Variants in PRRX2 observed in about 807,000 individuals in gnomAD.
PRRX2 encodes paired mesoderm homeobox protein 2.
In PRRX2, 11 loss-of-function variants were observed where a neutral mutation model predicts 18.0. The observed-to-expected ratio is 0.61, with a 90% CI of 0.39 to 1.01. The LOEUF is 1.01. Ranked by LOEUF, PRRX2 falls within the 50% of genes least tolerant of loss-of-function variation. The pLI, the probability that PRRX2 is intolerant of heterozygous loss-of-function variation, is 0.01. For synonymous variants in PRRX2, 177 were observed against 154.8 expected (o/e 1.14, Z -1.06); for missense variants, 387 against 351.0 (o/e 1.10, Z -0.82).
chr9:129,718,922 C>T (rs1258336828), intron 1 of PRRX2, among the ~76,000 whole-genome samples: 6 of 152,134 alleles, frequency 3.9e-5, no homozygotes, highest in Non-Finnish European at 7.4e-5. Context: ...GTCCCCAGGG[C>T]TCTTGCCGTG....
At chr9:129,704,159 C>T (rs1832531989) in intron 1 of PRRX2, among the ~76,000 whole-genome samples, 1 of 152,190 alleles carries the variant, frequency 6.6e-6, no homozygotes, top group South Asian at 2.1e-4. Context: ...CGTAGAGTTC[C>T]TCAGAGTTCT....
rs1391346257 is a variant in PRRX2, at chr9:129,697,954, T to C, written c.260-21277T>C. On this transcript the variant is annotated intron_variant, in intron 1 of 3. Transcript: ENST00000372469. ...AAAATGTGGGTGGGGGAGGGGAGCG[T>C]GGAGGTTGGAGGGTTTTAAGCGCCG... Among the ~76,000 whole-genome samples, 7 of 150,692 alleles carry C rather than the reference T, an allele frequency of 4.6e-5. No individual in the cohort carries two copies. In the East Asian group the frequency reaches 1.4e-3, roughly 30 times the overall value.
rs745968096 is a variant in PRRX2, at chr9:129,721,217, C to T, written c.626+443C>T. Reference sequence around the variant, plus strand: ...TCCTAGGCTGTCACGGGGGCCCCAGCGCCCTGTGTCCACCCTCCAGACGAG... The same window carrying T: ...TCCTAGGCTGTCACGGGGGCCCCAGTGCCCTGTGTCCACCCTCCAGACGAG... On this transcript the variant is annotated intron_variant, in intron 3 of 3. Coordinates refer to ENST00000372469, the MANE Select transcript of PRRX2 (RefSeq NM_016307.4). Among the ~76,000 whole-genome samples the T allele has an allele frequency of 7.9e-5, 12 of 152,138 alleles. 1 individual carries two copies. The highest frequency in any genetic ancestry group is 8.8e-5 in the Non-Finnish European group (6 of 68,024).
At position 129,720,612 on chromosome 9, in the gene PRRX2, G is replaced by A. The variant is rs747544751; in HGVS notation, c.464G>A (p.Arg155His). Reference sequence around the variant, plus strand: ...CACCCACAGGTCTGGTTTCAGAACCGCCGCGCCAAGTTCCGCAGGAATGAA... The same window carrying A: ...CACCCACAGGTCTGGTTTCAGAACCACCGCGCCAAGTTCCGCAGGAATGAA... ...EARVQVWFQN[R>H]RAKFRRNERA... The change falls in exon 3 of 4, where the codon CGC becomes CAC. Residue 155 changes from arginine (R) to histidine (H), a missense_variant. Physicochemically the swap from Arg to His is conservative, Grantham distance 29. Coordinates refer to ENST00000372469, the MANE Select transcript of PRRX2 (RefSeq NM_016307.4). 4.3e-6 allele frequency: 7 copies of A among 1,609,944 alleles called. No individual in the cohort carries two copies. The highest frequency in any genetic ancestry group is 1.1e-5 in the South Asian group (1 of 90,432).
chr9:129,700,621 C>T (rs1051036991), intron 1 of PRRX2, among the ~76,000 whole-genome samples: 5 of 148,758 alleles, frequency 3.4e-5, no homozygotes, highest in Non-Finnish European at 5.9e-5. Context: ...CACACCTGGC[C>T]GTTATTGTTG....
intron 1 of PRRX2, among the ~76,000 whole-genome samples, chr9:129,667,427 G>T (rs909030075): frequency 1.3e-5 from 2 of 152,192 alleles, no homozygotes; most frequent in African/African-American, 2.4e-5. Context: ...GCTCTGAGCC[G>T]GTCCCCCAAC....
chr9:129,715,083 G>A lies in PRRX2; in HGVS notation c.260-4148G>A, dbSNP rs1046347471. Among the ~76,000 whole-genome samples, 4 of 152,056 alleles carry A rather than the reference G, an allele frequency of 2.6e-5. No individual in the cohort carries two copies. Among genetic ancestry groups the A allele is most frequent in the African/African-American group, 7.2e-5 (3 of 41,388 alleles). Reference sequence around the variant, plus strand: ...GAGGAGTGAAGAGTGAAGCGGTCCCGGCAATGAGACCAGCTCCACAGGGCC... The same window carrying A: ...GAGGAGTGAAGAGTGAAGCGGTCCCAGCAATGAGACCAGCTCCACAGGGCC... On this transcript the variant is annotated intron_variant, in intron 1 of 3. Transcript: ENST00000372469. The surrounding 1 kb of genome is among the most constrained non-coding windows in gnomAD (Gnocchi z 4.0).
intron 1 of PRRX2, among the ~76,000 whole-genome samples, chr9:129,684,420 CAGATACA>C (rs375841024): frequency 9.8e-5 from 9 of 92,184 alleles, no homozygotes; most frequent in East Asian, 5.2e-4. Flanking sequence ...GAGACACACA[CAGATACA>C]ACACACACAC....
intron 1 of PRRX2, among the ~76,000 whole-genome samples, chr9:129,700,750 TG>T (rs1832483644): frequency 6.6e-6 from 1 of 152,218 alleles, no homozygotes; most frequent in Non-Finnish European, 1.5e-5. Flanking sequence ...CCTGAGTTGC[TG>T]GGACTACAGG....
Position 129,694,866 on chromosome 9 carries a change from C to T in PRRX2, c.260-24365C>T, listed in dbSNP as rs985020473. On this transcript the variant is annotated intron_variant, in intron 1 of 3. Transcript: ENST00000372469. ...ATAAACACTATGATGTGTGCCATGA[C>T]CCTAGTGGTCCAACGAAGGCTTCAT... Among the ~76,000 whole-genome samples, 3 of 152,134 alleles carry T rather than the reference C, an allele frequency of 2.0e-5. 1 individual carries two copies. In the South Asian group the frequency reaches 6.2e-4, roughly 31 times the overall value.
In PRRX2 at chr9:129,682,043, T is replaced by C. The variant is rs1164860174; in HGVS notation, c.259+15917T>C. The stretch of plus-strand genomic sequence containing the variant: ...GGTCCCTGAGGAGGAGGCGTGGGTC[T>C]TAGGAGGAAAGCAGCTCTGGGGAGC... On this transcript the variant is annotated intron_variant, in intron 1 of 3. Transcript: ENST00000372469. 2.0e-5 allele frequency among the ~76,000 whole-genome samples: 3 copies of C among 152,084 alleles called. No homozygotes were observed. The East Asian group carries it at 5.8e-4, about 29-fold the overall frequency.
chr9:129,705,479 C>T (rs62584062), intron 1 of PRRX2, among the ~76,000 whole-genome samples: 7 of 152,118 alleles, frequency 4.6e-5, no homozygotes, highest in Non-Finnish European at 8.8e-5. Flanking sequence ...CTCAGCCTCC[C>T]GGGTAGCTGG....
At chr9:129,701,859 G>A (rs1832502152) in intron 1 of PRRX2, among the ~76,000 whole-genome samples, 1 of 152,106 alleles carries the variant, frequency 6.6e-6, no homozygotes, top group African/African-American at 2.4e-5. Context: ...CACACTTTAG[G>A]AGGCCAAGGC....
chr9:129,668,073 A>G (rs1394621789), intron 1 of PRRX2, among the ~76,000 whole-genome samples: 1 of 152,166 alleles, frequency 6.6e-6, no homozygotes, highest in Non-Finnish European at 1.5e-5. Context: ...CCTGAGGACG[A>G]TGGAGCCCTG....
intron 1 of PRRX2, among the ~76,000 whole-genome samples, chr9:129,681,856 C>T (rs1207922301): frequency 1.3e-5 from 2 of 152,180 alleles, no homozygotes; most frequent in Non-Finnish European, 2.9e-5. Flanking sequence ...GAGCCCGCTG[C>T]GGAAGAACCT....
In PRRX2 at chr9:129,695,969, C is replaced by T. The variant is rs894420; in HGVS notation, c.260-23262C>T. On this transcript the variant is annotated intron_variant, in intron 1 of 3. Transcript: ENST00000372469. This position sits in a 1 kb window ranked among gnomAD's most constrained non-coding sequence, Gnocchi z 4.8. ...TGGCCCCATTTCCTTATAAAGCCCC[C>T]TCTGAGAAGGCGGAAAGCTGAAGTT... is the stretch of plus-strand genomic sequence containing the variant. Among the ~76,000 whole-genome samples the T allele has an allele frequency of 0.045, 6,859 of 152,186 alleles. 427 individuals are homozygous for T. Among genetic ancestry groups the T allele is most frequent in the East Asian group, 0.35 (1,803 of 5,160 alleles).
chr9:129,681,209 C>T (rs1832224861), intron 1 of PRRX2, among the ~76,000 whole-genome samples: 2 of 152,212 alleles, frequency 1.3e-5, no homozygotes, highest in South Asian at 4.1e-4. Flanking sequence ...ACACTGAGGT[C>T]CAAGCAGGCA....
rs942293334 is a variant in PRRX2 at position 129,715,287 on chromosome 9, T to C, written c.260-3944T>C. Among the ~76,000 whole-genome samples, 1 of 152,186 alleles carries C rather than the reference T, an allele frequency of 6.6e-6. No individual in the cohort carries two copies. The highest frequency in any genetic ancestry group is 1.5e-5 in the Non-Finnish European group (1 of 68,036). On this transcript the variant is annotated intron_variant, in intron 1 of 3. Transcript: ENST00000372469. This position sits in a 1 kb window ranked among gnomAD's most constrained non-coding sequence, Gnocchi z 4.0. ...GATAATTCATTGACGTGGGGGCCTG[T>C]CCTGTGTCTTGAAAGATATTTAGCA...
chr9:129,669,888 T>G (rs1034616129), intron 1 of PRRX2, among the ~76,000 whole-genome samples: 2 of 151,744 alleles, frequency 1.3e-5, no homozygotes, highest in African/African-American at 4.8e-5. Context: ...AAGAATGCTG[T>G]CCGGTGGCAT....
Sources: gnomAD v4.1 joint callset for allele counts (sites outside exome capture counted in the v4.1 genomes callset) on GRCh38, gnomAD v4.1.1 for gene constraint, Gnocchi (gnomAD v3.1) non-coding constraint, MANE v1.5 for transcripts, NCBI Gene and HGNC (gene_info 2026-07-23, HGNC 2026-07-21) for gene names.